CAPS2: variants seen among roughly 807,000 people sequenced by gnomAD.
CAPS2 encodes calcyphosin-2.
In CAPS2, 98 loss-of-function variants were observed where a neutral mutation model predicts 86.5. The ratio of observed to expected loss-of-function variants is 1.13; its 90% CI spans 0.96 to 1.34. The LOEUF (loss-of-function observed/expected upper bound fraction) is 1.34, where lower values mean the gene tolerates loss of function less well. Among genes scored for constraint, CAPS2 ranks in the 40% most tolerant of loss-of-function variants. The pLI, the probability that CAPS2 is intolerant of heterozygous loss-of-function variation, is 0.00. For synonymous variants in CAPS2, 210 were observed against 225.1 expected, an observed-to-expected ratio of 0.93 and a Z score of 0.60; for missense variants, 729 against 686.8, an observed-to-expected ratio of 1.06 and a Z score of -0.69.
exon 17 of CAPS2, chr12:75,278,008 C>T (rs1418858207): frequency 1.1e-6 from 1 of 892,794 alleles, no homozygotes; most frequent in Non-Finnish European, 1.3e-6. Context: ...TATGCTTTCA[C>T]ATTTTAGGCA....
intron 2 of CAPS2, among the ~76,000 whole-genome samples, chr12:75,323,469 C>T (rs959597813): frequency 2.0e-5 from 3 of 152,022 alleles, no homozygotes; most frequent in African/African-American, 4.8e-5. Context: ...CTTGGCCGGG[C>T]GCAGTGGCTT....
At position 75,342,849 on chromosome 12, in the gene CAPS2, G is replaced by A. The variant is rs537231946; in HGVS notation, c.-394-19627C>T. On this transcript the variant is annotated intron_variant, in intron 1 of 5. Transcript: ENST00000551829. The stretch of plus-strand genomic sequence containing the variant: ...TTTAAGTCTTTTACAACTTCTTTCA[G>A]TTACGTTTTTGCAGTTTTCAGCATA... Among the ~76,000 whole-genome samples the A allele has an allele frequency of 1.6e-4, 24 of 151,926 alleles. No individual in the cohort carries two copies. In the South Asian group the frequency reaches 5.0e-3, roughly 31 times the overall value.
chr12:75,386,275 C>T (rs2045287286), intron 1 of CAPS2, among the ~76,000 whole-genome samples: 1 of 152,182 alleles, frequency 6.6e-6, no homozygotes, highest in Non-Finnish European at 1.5e-5. Flanking sequence ...GGGTACGTGT[C>T]TCAGTCTGTT....
chr12:75,320,630 TTTA>T (rs1253391541), intron 5 of CAPS2, among the ~76,000 whole-genome samples: 1 of 151,990 alleles, frequency 6.6e-6, no homozygotes, highest in Non-Finnish European at 1.5e-5. Flanking sequence ...CACTTATAAA[TTTA>T]TTATTATTTA....
chr12:75,386,978 A>G (rs573500250), intron 1 of CAPS2, among the ~76,000 whole-genome samples: 1 of 152,306 alleles, frequency 6.6e-6, no homozygotes. Context: ...TATAAGAGAA[A>G]ATCTAGATGA....
At chr12:75,299,590 AC>A (rs1240944497) in intron 9 of CAPS2, among the ~76,000 whole-genome samples, 10 of 152,160 alleles carry the variant, frequency 6.6e-5, no homozygotes, top group African/African-American at 2.2e-4. Context: ...CACTGCTGTT[AC>A]TTTTTAAAAA....
At chr12:75,305,082 A>C in intron 7 of CAPS2, 3 of 376,712 alleles carry the variant, frequency 8.0e-6, no homozygotes, top group Non-Finnish European at 4.5e-6. Context: ...TATTATCCAA[A>C]ACGGAACTGA....
chr12:75,332,438 G>A (rs2041397205), upstream of CAPS2, among the ~76,000 whole-genome samples: 1 of 152,012 alleles, frequency 6.6e-6, no homozygotes, highest in South Asian at 2.1e-4. Context: ...TGTTCATTCA[G>A]CCACTTATGT....
chr12:75,278,839 T>C (rs1300616545), exon 17 of CAPS2: 1 of 1,398,542 alleles, frequency 7.2e-7, no homozygotes, highest in Admixed American at 2.9e-5. Context: ...TACATTGATA[T>C]CATCTCTCCA....
chr12:75,318,225 CA>C lies in CAPS2; in HGVS notation c.469-1792del, dbSNP rs1213564155. On this transcript the variant is annotated intron_variant, in intron 5 of 16. Transcript: ENST00000393284. ...TAGCCCTACCTTCAGAATCTGTCAA[CA>C]ATATGACTTTGTGAGGCACTACGAA... is the stretch of plus-strand genomic sequence containing the variant. The C allele has an allele frequency of 2.6e-5, 4 of 152,272 alleles. No individual in the cohort carries two copies. The East Asian group carries it at 7.7e-4, about 29-fold the overall frequency. The allele number at this position is 152,272 out of a possible 1,614,324, so 9.4% of individuals were successfully genotyped here.
At chr12:75,304,439 T>C (rs1369937572) in intron 8 of CAPS2, among the ~76,000 whole-genome samples, 1 of 152,170 alleles carries the variant, frequency 6.6e-6, no homozygotes, top group Non-Finnish European at 1.5e-5. Flanking sequence ...CCAATGAGAT[T>C]TAGCCAGTAT....
intron 1 of CAPS2, among the ~76,000 whole-genome samples, chr12:75,345,939 G>A (rs888868101): frequency 6.6e-6 from 1 of 152,140 alleles, no homozygotes; most frequent in African/African-American, 2.4e-5. Context: ...TAAGTAATTA[G>A]GAATGGTTAT....
At chr12:75,386,700 G>T (rs566894428) in intron 1 of CAPS2, among the ~76,000 whole-genome samples, 1 of 152,080 alleles carries the variant, frequency 6.6e-6, no homozygotes, top group South Asian at 2.1e-4. Flanking sequence ...GTATAGTATT[G>T]GTGAAAGTAG....
intron 1 of CAPS2, among the ~76,000 whole-genome samples, chr12:75,382,532 C>G (rs1188264767): frequency 6.6e-6 from 1 of 151,870 alleles, no homozygotes; most frequent in East Asian, 1.9e-4. Flanking sequence ...CCCAGCTACT[C>G]AGGAGGCTGA....
At chr12:75,363,058 A>G in intron 1 of CAPS2, 3 of 1,026,638 alleles carry the variant, frequency 2.9e-6, no homozygotes, top group Non-Finnish European at 2.9e-6. Flanking sequence ...AAAATTGGAG[A>G]AATTAACAGC....
At chr12:75,328,317 T>C (rs2040980278), upstream of CAPS2, among the ~76,000 whole-genome samples, 1 of 152,218 alleles carries the variant, frequency 6.6e-6, no homozygotes, top group Non-Finnish European at 1.5e-5. Context: ...CAATTATTTA[T>C]ATCCTAGTAA....
At chr12:75,334,399 TTGCA>T, upstream of CAPS2, 1 of 940,210 alleles carries the variant, frequency 1.1e-6, no homozygotes, top group East Asian at 6.9e-5. Flanking sequence ...CTTGTGTGGC[TTGCA>T]TATTGCAATC....
At chr12:75,362,178 A>C (rs1195878222) in intron 1 of CAPS2, among the ~76,000 whole-genome samples, 1 of 152,176 alleles carries the variant, frequency 6.6e-6, no homozygotes, top group Non-Finnish European at 1.5e-5. Context: ...TCACAACTCA[A>C]TATAAAGAAA....
intron 6 of CAPS2, 84 bp from the exon 7 acceptor site, chr12:75,312,999 T>C: frequency 1.4e-6 from 1 of 716,426 alleles, no homozygotes; most frequent in Non-Finnish European, 2.4e-6. Context: ...AAACATAAAT[T>C]AAATATCTCT....
Sources: allele counts gnomAD v4.1 joint callset (sites outside exome capture counted in the v4.1 genomes callset), GRCh38; gene constraint gnomAD v4.1.1; transcripts MANE v1.5; gene names NCBI Gene and HGNC (gene_info 2026-07-23, HGNC 2026-07-21).